PLAGL1: variants seen among roughly 807,000 people sequenced by gnomAD.
PLAGL1 encodes zinc finger protein PLAGL1.
A neutral mutation model predicts 4.6 loss-of-function variants in PLAGL1; 1 was observed. The observed-to-expected ratio is 0.22, with a 90% CI of 0.08 to 1.03. The LOEUF (loss-of-function observed/expected upper bound fraction) is 1.03. Among genes scored for constraint, PLAGL1 ranks in the 50% least tolerant of loss-of-function variants. The probability of loss-of-function intolerance (pLI) is 0.58; values close to 1 mark genes in which losing one functional copy is unlikely to be tolerated. For synonymous variants in PLAGL1, 240 were observed against 237.8 expected, an observed-to-expected ratio of 1.01 and a Z score of -0.08; for missense variants, 464 against 570.4, an observed-to-expected ratio of 0.81 and a Z score of 1.90.
At position 143,965,082 on chromosome 6, in the gene PLAGL1, T is replaced by C. The variant is rs572413460; in HGVS notation, c.-430-264A>G. On this transcript the variant is annotated intron_variant, in intron 4 of 7. Coordinates refer to ENST00000674357, the MANE Select transcript of PLAGL1 (RefSeq NM_001317162.2). The surrounding 1 kb of genome is among the most constrained non-coding windows in gnomAD (Gnocchi z 7.5). ...AATGATTGCATGCTGGAAACTGAGA[T>C]GCTTTAGGGGAGAGAAGATCCTAAC... 3.9e-5 allele frequency: 6 copies of C among 152,278 alleles called. No homozygotes were observed. The highest frequency in any genetic ancestry group is 2.1e-4 in the South Asian group (1 of 4,814). The allele number at this position is 152,278 out of a possible 1,614,324, so 9.4% of individuals were successfully genotyped here.
At position 143,994,427 on chromosome 6, in the gene PLAGL1, T is replaced by C. The variant is rs941070266; in HGVS notation, c.-583-9253A>G. ...TCTAGATTGCAGTTTTAAACATCTC[T>C]GAATGTGACAAGGTATTACCATTAA... On this transcript the variant is annotated intron_variant, in intron 1 of 7. Transcript: ENST00000674357. This position sits in a 1 kb window ranked among gnomAD's most constrained non-coding sequence, Gnocchi z 4.3. Among the ~76,000 whole-genome samples the C allele has an allele frequency of 6.6e-6, 1 of 152,238 alleles. No individual in the cohort carries two copies. The highest frequency in any genetic ancestry group is 2.4e-5 in the African/African-American group (1 of 41,466).
At chr6:144,007,231 C>G (rs529142858) in intron 1 of PLAGL1, 1 of 152,320 alleles carries the variant, frequency 6.6e-6, no homozygotes, top group South Asian at 2.1e-4. Flanking sequence ...TAATCACTTA[C>G]CATGTGCTAA....
rs770523478 is a variant in PLAGL1, at chr6:144,017,200, GT to G, written c.-151+47267del. On this transcript the variant is annotated intron_variant, in intron 1 of 3. Coordinates refer to the PLAGL1 transcript ENST00000437412. Reference sequence around the variant, plus strand: ...CCTTAAAAACCTGTATACATATGTAGTTTTTTTTTAAAGCGCATCGCTTCTG... The same window carrying G: ...CCTTAAAAACCTGTATACATATGTAGTTTTTTTTAAAGCGCATCGCTTCTG... Among the ~76,000 whole-genome samples, 9 of 151,808 alleles carry G rather than the reference GT, an allele frequency of 5.9e-5. No individual in the cohort carries two copies. In the East Asian group the frequency reaches 7.7e-4, roughly 13 times the overall value.
At chr6:144,035,978 G>A (rs1583816467) in intron 1 of PLAGL1, among the ~76,000 whole-genome samples, 2 of 152,284 alleles carry the variant, frequency 1.3e-5, no homozygotes, top group Middle Eastern at 6.8e-3. Context: ...AGGTGGAGGA[G>A]CAGGGGCATT....
Position 143,964,151 on chromosome 6 carries a change from T to C in PLAGL1, c.-399+636A>G, listed in dbSNP as rs1052227082. Among the ~76,000 whole-genome samples the C allele has an allele frequency of 9.2e-5, 14 of 152,018 alleles. No homozygotes were observed. Among genetic ancestry groups the C allele is most frequent in the African/African-American group, 3.1e-4 (13 of 41,462 alleles). ...CCAGCAATAGAGGCCCTGGCACCCC[T>C]CTGTTCCCTAAGGCAATGAGTAGAA... On this transcript the variant is annotated intron_variant, in intron 5 of 7. Transcript: ENST00000674357. This position sits in a 1 kb window ranked among gnomAD's most constrained non-coding sequence, Gnocchi z 4.3.
rs753588017 is a variant in PLAGL1 at position 144,045,497 on chromosome 6, AGAATGTT to A, written c.-151+18964_-151+18970del. Among the ~76,000 whole-genome samples, 344 of 152,268 alleles carry A rather than the reference AGAATGTT, an allele frequency of 2.3e-3. 2 individuals are homozygous for A. Among genetic ancestry groups the A allele is most frequent in the Middle Eastern group, 3.4e-3 (1 of 294 alleles). On this transcript the variant is annotated intron_variant, in intron 1 of 3. Transcript: ENST00000437412. ...TCTGGGTTGAAAATTCTTTTCTTTGAGAATGTTGAATATTGGCCCCTGCTCTCTTCTG... is the reference window on the plus strand; with the variant it reads ...TCTGGGTTGAAAATTCTTTTCTTTGAGAATATTGGCCCCTGCTCTCTTCTG...
intron 1 of PLAGL1, among the ~76,000 whole-genome samples, chr6:143,986,684 A>G (rs1409978840): frequency 1.3e-5 from 2 of 152,236 alleles, no homozygotes; most frequent in Admixed American, 6.5e-5. Context: ...TAGCTTAATA[A>G]TATAGCATTA....
In PLAGL1 at chr6:144,030,254, C is replaced by CAAA. The variant is rs66563676; in HGVS notation, c.-151+34211_-151+34213dup. On this transcript the variant is annotated intron_variant, in intron 1 of 3. Coordinates refer to the PLAGL1 transcript ENST00000437412. Reference sequence around the variant, plus strand: ...TGGGTGACAGAGCGAGACTCCGTCTCAAAAAAAAAAAAAAAAAAAAAAAAA... The same window carrying CAAA: ...TGGGTGACAGAGCGAGACTCCGTCTCAAAAAAAAAAAAAAAAAAAAAAAAAAAA... 5.2e-3 allele frequency among the ~76,000 whole-genome samples: 229 copies of CAAA among 44,430 alleles called. 34 individuals carry two copies. The highest frequency in any genetic ancestry group is 9.0e-3 in the South Asian group (7 of 776). 29.1% of individuals were successfully genotyped at this position (44,430 alleles called of 152,430 possible). A position where few individuals can be genotyped will look rare whatever the true frequency, so the allele number is the denominator to read the frequency against.
Position 143,971,039 on chromosome 6 carries a change from C to A in PLAGL1, c.-543-2061G>T, listed in dbSNP as rs1785321744. On this transcript the variant is annotated intron_variant, in intron 2 of 7. Coordinates refer to ENST00000674357, the MANE Select transcript of PLAGL1 (RefSeq NM_001317162.2). The surrounding 1 kb of genome is among the most constrained non-coding windows in gnomAD (Gnocchi z 4.7). ...GTATTATGTCACACAAAATTACTTC[C>A]AGAAACTGGGAGGGTTGAGCAGCCA... Among the ~76,000 whole-genome samples, 1 of 152,036 alleles carries A rather than the reference C, an allele frequency of 6.6e-6. No individual in the cohort carries two copies. Among genetic ancestry groups the A allele is most frequent in the Admixed American group, 6.5e-5 (1 of 15,270 alleles).
chr6:143,944,670 A>G (rs1167667563), intron 7 of PLAGL1, among the ~76,000 whole-genome samples: 1 of 151,916 alleles, frequency 6.6e-6, no homozygotes, highest in East Asian at 1.9e-4. Context: ...TTTTTAGAGC[A>G]TGTTAGAGGG....
In PLAGL1 at chr6:144,000,071, G is replaced by GA. The variant is rs1366652259; in HGVS notation, c.-584+8018dup. On this transcript the variant is annotated intron_variant, in intron 1 of 7. Transcript: ENST00000674357. The surrounding 1 kb of genome is among the most constrained non-coding windows in gnomAD (Gnocchi z 4.1). Reference sequence around the variant, plus strand: ...CTGGCTTCACAGTCCAATAGATTCAGAAAAAATACTTAATAAAATCCAATA... The same window carrying GA: ...CTGGCTTCACAGTCCAATAGATTCAGAAAAAAATACTTAATAAAATCCAATA... Among the ~76,000 whole-genome samples, 3 of 152,158 alleles carry GA rather than the reference G, an allele frequency of 2.0e-5. No individual in the cohort carries two copies. Among genetic ancestry groups the GA allele is most frequent in the East Asian group, 1.9e-4 (1 of 5,190 alleles).
At chr6:144,025,859 C>A (rs1796306583) in intron 1 of PLAGL1, among the ~76,000 whole-genome samples, 1 of 152,192 alleles carries the variant, frequency 6.6e-6, no homozygotes, top group Non-Finnish European at 1.5e-5. Context: ...TACCATTGCA[C>A]TCCAGCCTGG....
intron 1 of PLAGL1, among the ~76,000 whole-genome samples, chr6:143,998,167 A>G (rs940643036): frequency 1.3e-5 from 2 of 152,228 alleles, no homozygotes; most frequent in African/African-American, 4.8e-5. Context: ...ACTTGGAAGG[A>G]AAGTCCAAAG....
At position 144,063,091 on chromosome 6, in the gene PLAGL1, C is replaced by T. The variant is rs992933624; in HGVS notation, c.-151+1377G>A. Among the ~76,000 whole-genome samples, 1 of 152,178 alleles carries T rather than the reference C, an allele frequency of 6.6e-6. No homozygotes were observed. The highest frequency in any genetic ancestry group is 2.4e-5 in the African/African-American group (1 of 41,428). ...AGTTGATCACCTGAAAACCAGCCCT[C>T]CTTTCCTTCCCGTGGCAAGGGTATC... On this transcript the variant is annotated intron_variant, in intron 1 of 3. Transcript: ENST00000437412. The surrounding 1 kb of genome is among the most constrained non-coding windows in gnomAD (Gnocchi z 5.7).
At position 144,048,875 on chromosome 6, in the gene PLAGL1, C is replaced by T. The variant is rs934653460; in HGVS notation, c.-151+15593G>A. On this transcript the variant is annotated intron_variant, in intron 1 of 3. Transcript: ENST00000437412. This position sits in a 1 kb window ranked among gnomAD's most constrained non-coding sequence, Gnocchi z 4.8. ...AGGTTTTTCTTTTCTACTACAAGGTCGGGATGCATATTTTCCAAACTTCTA... is the reference window on the plus strand; with the variant it reads ...AGGTTTTTCTTTTCTACTACAAGGTTGGGATGCATATTTTCCAAACTTCTA... Among the ~76,000 whole-genome samples, 2 of 152,212 alleles carry T rather than the reference C, an allele frequency of 1.3e-5. No homozygotes were observed. Among genetic ancestry groups the T allele is most frequent in the South Asian group, 2.1e-4 (1 of 4,834 alleles).
rs904914018 is a variant in PLAGL1 at position 143,982,395 on chromosome 6, C to T, written c.-544+2740G>A. ...GGCTAAAGCAGTCAGTGAAGGGAAG[C>T]GGTAAAAGATTAGGCCAGAAGTAAT... On this transcript the variant is annotated intron_variant, in intron 2 of 7. Coordinates refer to ENST00000674357, the MANE Select transcript of PLAGL1 (RefSeq NM_001317162.2). This position sits in a 1 kb window ranked among gnomAD's most constrained non-coding sequence, Gnocchi z 5.3. Among the ~76,000 whole-genome samples the T allele has an allele frequency of 1.3e-5, 2 of 151,962 alleles. No homozygotes were observed. Among genetic ancestry groups the T allele is most frequent in the Admixed American group, 6.6e-5 (1 of 15,256 alleles).
At chr6:144,046,685 C>T (rs903348655) in intron 1 of PLAGL1, among the ~76,000 whole-genome samples, 1 of 152,234 alleles carries the variant, frequency 6.6e-6, no homozygotes, top group Non-Finnish European at 1.5e-5. Context: ...GTTCTCAAAG[C>T]TCAAACACTG....
At chr6:143,987,371 A>C (rs868216388) in intron 1 of PLAGL1, among the ~76,000 whole-genome samples, 61 of 140,398 alleles carry the variant, frequency 4.3e-4, no homozygotes, top group African/African-American at 1.6e-3. Flanking sequence ...ACTTCATCAG[A>C]GGTTCTGGAG....
chr6:143,987,699 T>C (rs1029282095), intron 1 of PLAGL1, among the ~76,000 whole-genome samples: 1 of 152,110 alleles, frequency 6.6e-6, no homozygotes, highest in Admixed American at 6.5e-5. Flanking sequence ...TCAGGGGACA[T>C]TGGATACAGC....
Sources: allele counts gnomAD v4.1 joint callset (sites outside exome capture counted in the v4.1 genomes callset), GRCh38; gene constraint gnomAD v4.1.1; non-coding constraint Gnocchi (gnomAD v3.1); transcripts MANE v1.5; gene names NCBI Gene and HGNC (gene_info 2026-07-23, HGNC 2026-07-21).